Variants in CMIP observed in about 807,000 individuals in gnomAD.
CMIP encodes the protein C-Maf-inducing protein.
A neutral mutation model predicts 97.3 loss-of-function variants in CMIP; 13 were observed. That is an observed-to-expected ratio of 0.13 (90% CI 0.09 to 0.21). CMIP has a LOEUF of 0.21. Ranked by LOEUF, CMIP falls within the 10% of genes least tolerant of loss-of-function variation. The probability of loss-of-function intolerance (pLI) is 1.00; values close to 1 mark genes in which losing one functional copy is unlikely to be tolerated. For missense variants in CMIP, 847 were observed against 1,024.9 expected (o/e 0.83, Z 2.37); for synonymous variants, 538 against 436.3 (o/e 1.23, Z -2.91).
At chr16:81,473,133 C>G (rs1210266530) in intron 1 of CMIP, among the ~76,000 whole-genome samples, 8 of 152,258 alleles carry the variant, frequency 5.3e-5, no homozygotes, top group African/African-American at 1.9e-4. Flanking sequence ...CCGGCCTCCT[C>G]TGAGGTCAGT....
At chr16:81,703,091 T>G (rs1282300840) in intron 17 of CMIP, among the ~76,000 whole-genome samples, 1 of 152,128 alleles carries the variant, frequency 6.6e-6, no homozygotes. Context: ...CCATTATATT[T>G]GACACATGGC....
chr16:81,698,651 C>A (rs765413), intron 14 of CMIP, among the ~76,000 whole-genome samples: 1 of 152,074 alleles, frequency 6.6e-6, no homozygotes, highest in African/African-American at 2.4e-5. Context: ...GTAAGCACAC[C>A]GTTCAGTCAC....
chr16:81,516,750 C>T (rs540866411), intron 1 of CMIP, among the ~76,000 whole-genome samples: 2 of 152,338 alleles, frequency 1.3e-5, no homozygotes, highest in African/African-American at 4.8e-5. Context: ...GTCTGGGATG[C>T]CTGGCAATAG....
At chr16:81,699,572 G>A in intron 14 of CMIP, 113 bp from the exon 15 acceptor site, 1 of 664,190 alleles carries the variant, frequency 1.5e-6, no homozygotes, top group South Asian at 1.7e-5. Flanking sequence ...CTGGCTGTCT[G>A]GACAGCGTGT....
At chr16:81,542,821 C>G (rs921259415) in intron 1 of CMIP, among the ~76,000 whole-genome samples, 1 of 152,220 alleles carries the variant, frequency 6.6e-6, no homozygotes, top group Non-Finnish European at 1.5e-5. Context: ...GGCCCCACCT[C>G]CACATACCAT....
intron 2 of CMIP, chr16:81,620,284 G>C (rs1438734466): frequency 1.3e-5 from 2 of 152,672 alleles, no homozygotes; most frequent in African/African-American, 4.8e-5. Flanking sequence ...ATGATCTTCT[G>C]CCATTGGCAG....
intron 2 of CMIP, among the ~76,000 whole-genome samples, chr16:81,612,806 G>C (rs1229378669): frequency 1.3e-5 from 2 of 151,924 alleles, no homozygotes; most frequent in African/African-American, 4.8e-5. Flanking sequence ...ATGTCTGAAT[G>C]GATTCTCCTC....
intron 2 of CMIP, 83 bp from the exon 3 acceptor site, chr16:81,620,793 G>C (rs1348509818): frequency 6.6e-7 from 1 of 1,524,930 alleles, no homozygotes; most frequent in Non-Finnish European, 9.1e-7. Flanking sequence ...AGCAGGCTTG[G>C]GGGCTCACAT....
chr16:81,517,954 C>A, intron 1 of CMIP: 1 of 977,328 alleles, frequency 1.0e-6, no homozygotes. Flanking sequence ...GGAAAATGAA[C>A]GCCAGTGGAT....
At chr16:81,501,797 AGTCGGGATTTCACCCTGTTGGC>A (rs2089618121) in intron 1 of CMIP, among the ~76,000 whole-genome samples, 1 of 151,850 alleles carries the variant, frequency 6.6e-6, no homozygotes, top group Non-Finnish European at 1.5e-5. Flanking sequence ...TTTTTAGTAG[AGTCGGGATTTCACCCTGTTGGC>A]CAAGCTGGTC....
chr16:81,595,220 C>G (rs999990214), intron 1 of CMIP, among the ~76,000 whole-genome samples: 3 of 152,014 alleles, frequency 2.0e-5, no homozygotes, highest in African/African-American at 7.3e-5. Context: ...AACCCCATAC[C>G]CATTAGTATC....
chr16:81,450,645 T>C (rs57811515), intron 1 of CMIP, among the ~76,000 whole-genome samples: 1,946 of 152,294 alleles, frequency 0.013, 50 homozygotes, highest in African/African-American at 0.045. Context: ...CTGAGATGAA[T>C]AGTGCATTGG....
At chr16:81,552,458 C>G (rs575067851) in intron 1 of CMIP, among the ~76,000 whole-genome samples, 2 of 152,314 alleles carry the variant, frequency 1.3e-5, no homozygotes, top group African/African-American at 4.8e-5. Context: ...GATGTTTTCT[C>G]CAGAGGTTCT....
chr16:81,448,029 T>C (rs531802422), intron 1 of CMIP, among the ~76,000 whole-genome samples: 2 of 152,244 alleles, frequency 1.3e-5, no homozygotes, highest in Non-Finnish European at 2.9e-5. Context: ...TTGAGAAATA[T>C]GAGCCCAAAT....
chr16:81,622,580 G>T (rs1052800632), intron 3 of CMIP, among the ~76,000 whole-genome samples: 3 of 152,108 alleles, frequency 2.0e-5, no homozygotes, highest in African/African-American at 7.2e-5. Flanking sequence ...TGACAGCCTT[G>T]CATTTTCTCT....
intron 1 of CMIP, among the ~76,000 whole-genome samples, chr16:81,596,506 C>CAA (rs1164896590): frequency 0.018 from 1,633 of 88,822 alleles, 44 homozygotes; most frequent in African/African-American, 0.046. Context: ...GGCCCTGTCT[C>CAA]AAAAAAAAAA....
chr16:81,621,260 A>G lies in CMIP; in HGVS notation c.477+334A>G, dbSNP rs573077478. The G allele has an allele frequency of 9.2e-6, 2 of 217,734 alleles. No homozygotes were observed. Among genetic ancestry groups the G allele is most frequent in the African/African-American group, 2.2e-5 (1 of 44,492 alleles). 13.5% of individuals were successfully genotyped at this position (217,734 alleles called of 1,614,324 possible). ...GGGGAGGCTGGACTTCAGGGGCTCA[A>G]GATGCTTAGTTGAAAGTAACTTCCA... On this transcript the variant is annotated intron_variant, in intron 3 of 20. Transcript: ENST00000537098. The surrounding 1 kb of genome is among the most constrained non-coding windows in gnomAD (Gnocchi z 4.1).
chr16:81,579,076 G>C (rs1232386098), intron 1 of CMIP, among the ~76,000 whole-genome samples: 2 of 152,198 alleles, frequency 1.3e-5, no homozygotes, highest in African/African-American at 4.8e-5. Flanking sequence ...ATTCAGATAA[G>C]AATTCCAGTT....
At chr16:81,507,366 G>T (rs1283031740) in intron 1 of CMIP, among the ~76,000 whole-genome samples, 1 of 152,208 alleles carries the variant, frequency 6.6e-6, no homozygotes, top group Non-Finnish European at 1.5e-5. Flanking sequence ...ACTGGGATAT[G>T]TGCAGCCTGT....
Sources: gnomAD v4.1 joint callset for allele counts (sites outside exome capture counted in the v4.1 genomes callset) on GRCh38, gnomAD v4.1.1 for gene constraint, Gnocchi (gnomAD v3.1) non-coding constraint, MANE v1.5 for transcripts, NCBI Gene and HGNC (gene_info 2026-07-23, HGNC 2026-07-21) for gene names.